Variants in ATP8A1 observed in about 807,000 individuals in gnomAD.
ATP8A1 encodes the protein phospholipid-transporting ATPase IA.
ATP8A1 carries 90 observed loss-of-function variants against 177.7 expected under a neutral mutation model. The ratio of observed to expected loss-of-function variants is 0.51; its 90% confidence interval spans 0.43 to 0.60. The LOEUF (loss-of-function observed/expected upper bound fraction) is 0.60, where lower values mean the gene tolerates loss of function less well. Ranked by LOEUF, ATP8A1 falls within the 20% of genes least tolerant of loss-of-function variation. The pLI is 0.00. For missense variants in ATP8A1, 1,072 were observed against 1,392.8 expected (o/e 0.77, Z 3.67); for synonymous variants, 493 against 485.9 (o/e 1.01, Z -0.19).
chr4:42,587,307 TTTC>T lies in ATP8A1; in HGVS notation c.595-834_595-832del, dbSNP rs1234304726. Among the ~76,000 whole-genome samples the T allele has an allele frequency of 7.9e-4, 119 of 150,286 alleles. 1 individual carries two copies. Among genetic ancestry groups the T allele is most frequent in the African/African-American group, 2.7e-3 (109 of 40,190 alleles). On this transcript the variant is annotated intron_variant, in intron 8 of 36. Coordinates refer to ENST00000381668, the MANE Select transcript of ATP8A1 (RefSeq NM_006095.2). ...GAGCTTGTTGTACAGCTTCTTTTCTTTTCTTTTTTTTTTTTTTTGAGACGGAGT... is the reference window on the plus strand; with the variant it reads ...GAGCTTGTTGTACAGCTTCTTTTCTTTTTTTTTTTTTTTTTGAGACGGAGT...
intron 17 of ATP8A1, among the ~76,000 whole-genome samples, chr4:42,552,049 C>A (rs1729552868): frequency 6.6e-6 from 1 of 152,022 alleles, no homozygotes; most frequent in African/African-American, 2.4e-5. Context: ...CTTTCCTCAC[C>A]CAAATAAATA....
intron 1 of ATP8A1, among the ~76,000 whole-genome samples, chr4:42,651,398 T>C (rs549470713): frequency 4.6e-5 from 7 of 152,236 alleles, no homozygotes; most frequent in Non-Finnish European, 8.8e-5. Context: ...TGTGGGAAAG[T>C]ATGGAACTCC....
intron 24 of ATP8A1, among the ~76,000 whole-genome samples, chr4:42,494,380 C>T (rs1723057675): frequency 6.6e-6 from 1 of 152,088 alleles, no homozygotes; most frequent in African/African-American, 2.4e-5. Flanking sequence ...GAAGCTAAGG[C>T]ACGAGAATCG....
At chr4:42,594,470 A>T in intron 6 of ATP8A1, 1 of 652,954 alleles carries the variant, frequency 1.5e-6, no homozygotes, top group Non-Finnish European at 2.7e-6. Flanking sequence ...TTATCGGCAA[A>T]CAAGAACCAC....
At chr4:42,599,250 A>G (rs2109394156) in intron 6 of ATP8A1, among the ~76,000 whole-genome samples, 1 of 152,316 alleles carries the variant, frequency 6.6e-6, no homozygotes, top group Admixed American at 6.5e-5. Flanking sequence ...AACCCTAGGT[A>G]AAATAATATT....
intron 22 of ATP8A1, among the ~76,000 whole-genome samples, chr4:42,520,193 G>A (rs539994140): frequency 1.3e-5 from 2 of 152,250 alleles, no homozygotes; most frequent in Admixed American, 1.3e-4. Context: ...CTCTAGAACT[G>A]AAGTTGTACT....
chr4:42,495,877 G>C (rs181346827), intron 24 of ATP8A1, among the ~76,000 whole-genome samples: 345 of 152,030 alleles, frequency 2.3e-3, no homozygotes, highest in Non-Finnish European at 4.3e-3. Context: ...GAGAGGAAAA[G>C]AGAAAAAAAA....
intron 27 of ATP8A1, among the ~76,000 whole-genome samples, chr4:42,460,948 A>T (rs927069871): frequency 1.2e-4 from 18 of 152,266 alleles, no homozygotes; most frequent in East Asian, 3.9e-4. Flanking sequence ...GCAACTTTTT[A>T]AAAAAAGGCA....
intron 15 of ATP8A1, among the ~76,000 whole-genome samples, chr4:42,567,332 A>C (rs923581067): frequency 1.3e-5 from 2 of 152,164 alleles, no homozygotes; most frequent in East Asian, 3.9e-4. Context: ...TGAGGTCAGG[A>C]GTTTAAGACT....
chr4:42,587,001 C>G (rs1733673710), intron 8 of ATP8A1, among the ~76,000 whole-genome samples: 1 of 152,220 alleles, frequency 6.6e-6, no homozygotes, highest in Non-Finnish European at 1.5e-5. Flanking sequence ...CTGTGATGAT[C>G]TAGTTCCAAC....
Position 42,624,611 on chromosome 4 carries a change from T to C in ATP8A1, c.288A>G (p.Thr96=). ...LLQQIPDVSP[T]GRYTTLVPLL... ...GAGGAACCAGTGTTGTATAACGACCTGTTGGTGACACATCAGGTATTTGCT... is the reference window on the plus strand; with the variant it reads ...GAGGAACCAGTGTTGTATAACGACCCGTTGGTGACACATCAGGTATTTGCT... The change falls in exon 4 of 37, where the codon ACA becomes ACG. Residue 96 remains threonine, a synonymous_variant. Transcript: ENST00000381668. 5 of 1,457,432 alleles carry C rather than the reference T, an allele frequency of 3.4e-6. No homozygotes were observed. The highest frequency in any genetic ancestry group is 1.6e-5 in the South Asian group (1 of 61,952). The allele number at this position is 1,457,432 out of a possible 1,614,324, so 90.3% of individuals were successfully genotyped here.
At chr4:42,500,116 A>G (rs1578057764) in intron 24 of ATP8A1, among the ~76,000 whole-genome samples, 1 of 152,140 alleles carries the variant, frequency 6.6e-6, no homozygotes, top group Non-Finnish European at 1.5e-5. Flanking sequence ...TGTAATCCCA[A>G]CACTTTGGGA....
chr4:42,600,929 A>G (rs1395003448), intron 5 of ATP8A1, among the ~76,000 whole-genome samples: 2 of 152,218 alleles, frequency 1.3e-5, no homozygotes, highest in Non-Finnish European at 2.9e-5. Flanking sequence ...ATAGTTTAGT[A>G]AAAATTTAAC....
At chr4:42,573,686 T>C (rs962560251) in intron 14 of ATP8A1, among the ~76,000 whole-genome samples, 5 of 152,202 alleles carry the variant, frequency 3.3e-5, no homozygotes, top group African/African-American at 9.7e-5. Flanking sequence ...CATATACTTT[T>C]GGGATTTTTC....
chr4:42,632,859 T>C (rs1560541639), intron 1 of ATP8A1, among the ~76,000 whole-genome samples: 1 of 152,302 alleles, frequency 6.6e-6, no homozygotes, highest in East Asian at 1.9e-4. Context: ...GTTATTCTCT[T>C]CCTTTGTAAA....
intron 25 of ATP8A1, among the ~76,000 whole-genome samples, chr4:42,473,831 T>C (rs1254944583): frequency 6.6e-6 from 1 of 150,702 alleles, no homozygotes; most frequent in Non-Finnish European, 1.5e-5. Context: ...TTTTTTTTTT[T>C]TTTGTAGAGA....
intron 25 of ATP8A1, among the ~76,000 whole-genome samples, 181 bp downstream of exon 25, chr4:42,485,315 G>C (rs974411766): frequency 6.6e-6 from 1 of 152,148 alleles, no homozygotes; most frequent in South Asian, 2.1e-4. Context: ...ATGATTGTTA[G>C]GACTCACTTT....
chr4:42,553,255 T>C lies in ATP8A1; in HGVS notation c.1414-645A>G, dbSNP rs540034112. Among the ~76,000 whole-genome samples the C allele has an allele frequency of 2.0e-5, 3 of 152,364 alleles. No homozygotes were observed. The South Asian group carries it at 6.2e-4, about 32-fold the overall frequency. On this transcript the variant is annotated intron_variant, in intron 16 of 36. Coordinates refer to ENST00000381668, the MANE Select transcript of ATP8A1 (RefSeq NM_006095.2). The stretch of plus-strand genomic sequence containing the variant: ...GGAGGACAGGATAAAAATTCGAAGA[T>C]GTTCATTTACCTAGTTGTAATTCCT...
chr4:42,482,685 G>A (rs925838221), intron 25 of ATP8A1, among the ~76,000 whole-genome samples: 3 of 152,200 alleles, frequency 2.0e-5, no homozygotes, highest in African/African-American at 7.2e-5. Context: ...TGCCCTGTAT[G>A]CTGATAGTAT....
Sources: gnomAD v4.1 joint callset for allele counts (sites outside exome capture counted in the v4.1 genomes callset) on GRCh38, gnomAD v4.1.1 for gene constraint, MANE v1.5 for transcripts, NCBI Gene and HGNC (gene_info 2026-07-23, HGNC 2026-07-21) for gene names.